The following IGF2BP2 variants were observed in gnomAD, a reference collection of about 807,000 sequenced individuals.
IGF2BP2 encodes the protein insulin like growth factor 2 mRNA binding protein 2.
IGF2BP2 carries 17 observed loss-of-function variants against 75.8 expected under a neutral mutation model. The ratio of observed to expected loss-of-function variants is 0.22; its 90% confidence interval spans 0.15 to 0.34. IGF2BP2 has a LOEUF of 0.34. IGF2BP2 is among the 10% of genes least tolerant of loss of function. IGF2BP2 has a pLI of 1.00. For synonymous variants in IGF2BP2, 288 were observed against 295.6 expected (o/e 0.97, Z 0.26); for missense variants, 516 against 772.4 (o/e 0.67, Z 3.93).
intron 11 of IGF2BP2, 85 bp downstream of exon 11, chr3:185,658,256 T>C: frequency 1.6e-6 from 2 of 1,258,504 alleles, no homozygotes; most frequent in South Asian, 2.4e-5. Flanking sequence ...AGATCTGCAT[T>C]GTGAACATTC....
intron 13 of IGF2BP2, among the ~76,000 whole-genome samples, chr3:185,649,964 T>C (rs1577799581): frequency 6.6e-6 from 1 of 152,172 alleles, no homozygotes; most frequent in African/African-American, 2.4e-5. Context: ...GAGGTGATGG[T>C]GGTGGTAATG....
intron 2 of IGF2BP2, among the ~76,000 whole-genome samples, chr3:185,760,632 C>G (rs1732237159): frequency 6.6e-6 from 1 of 152,190 alleles, no homozygotes; most frequent in African/African-American, 2.4e-5. Context: ...CATTCTTACT[C>G]CACTCTCACA....
intron 7 of IGF2BP2, among the ~76,000 whole-genome samples, chr3:185,677,068 T>TATAGAGAGAGAG: frequency 3.1e-4 from 11 of 35,860 alleles, no homozygotes; most frequent in African/African-American, 9.4e-4. Context: ...TATATATATA[T>TATAGAGAGAGAG]AGAGAGAGAG....
intron 13 of IGF2BP2, among the ~76,000 whole-genome samples, chr3:185,651,746 A>G (rs1714642119): frequency 6.6e-6 from 1 of 152,096 alleles, no homozygotes; most frequent in Non-Finnish European, 1.5e-5. Flanking sequence ...TTCCCCTTAC[A>G]CCTGTGTTAG....
At chr3:185,811,124 A>T (rs1739761443) in intron 2 of IGF2BP2, among the ~76,000 whole-genome samples, 1 of 152,174 alleles carries the variant, frequency 6.6e-6, no homozygotes, top group Non-Finnish European at 1.5e-5. Context: ...ACACAATAAG[A>T]TCATCACATA....
chr3:185,671,456 G>A (rs940852159), intron 10 of IGF2BP2, among the ~76,000 whole-genome samples: 11 of 147,750 alleles, frequency 7.4e-5, no homozygotes, highest in South Asian at 2.1e-4. Flanking sequence ...AGAATAGCTC[G>A]AACCCAGGAG....
intron 14 of IGF2BP2, among the ~76,000 whole-genome samples, chr3:185,648,223 G>A (rs537047542): frequency 3.3e-5 from 5 of 152,324 alleles, no homozygotes; most frequent in South Asian, 2.1e-4. Flanking sequence ...TTGGGAGGCC[G>A]AGGCGGGCGG....
At chr3:185,802,419 A>C (rs892407963) in intron 2 of IGF2BP2, among the ~76,000 whole-genome samples, 2 of 152,110 alleles carry the variant, frequency 1.3e-5, no homozygotes, top group Middle Eastern at 3.2e-3. Flanking sequence ...TTTGGAAATA[A>C]CAGAAGATTC....
chr3:185,701,382 AAG>A (rs1491022543), intron 2 of IGF2BP2, among the ~76,000 whole-genome samples: 11 of 149,388 alleles, frequency 7.4e-5, no homozygotes, highest in African/African-American at 1.5e-4. Flanking sequence ...AAAAAAAAAA[AAG>A]AAAGAAAGAA....
intron 7 of IGF2BP2, among the ~76,000 whole-genome samples, chr3:185,676,866 G>C (rs1481836127): frequency 7.7e-6 from 1 of 129,218 alleles, no homozygotes; most frequent in Non-Finnish European, 1.7e-5. Flanking sequence ...ATATTTACTG[G>C]ATATATATAT....
chr3:185,800,705 AC>A, intron 2 of IGF2BP2, among the ~76,000 whole-genome samples: 1 of 149,880 alleles, frequency 6.7e-6, no homozygotes, highest in African/African-American at 2.5e-5. Flanking sequence ...CCACTTGGTG[AC>A]TGAGCCAAAA....
chr3:185,780,815 T>G (rs1393680312), intron 2 of IGF2BP2, among the ~76,000 whole-genome samples: 7 of 152,226 alleles, frequency 4.6e-5, no homozygotes, highest in African/African-American at 1.4e-4. Context: ...CCCCATTTTA[T>G]AGCCGAAGAA....
intron 2 of IGF2BP2, among the ~76,000 whole-genome samples, chr3:185,749,396 A>AAAAT (rs1730671933): frequency 6.6e-6 from 1 of 152,206 alleles, no homozygotes; most frequent in Non-Finnish European, 1.5e-5. Flanking sequence ...ATTAAAATAC[A>AAAAT]CAATCAATTG....
At chr3:185,716,177 ACAC>A (rs1725579495) in intron 2 of IGF2BP2, among the ~76,000 whole-genome samples, 1 of 151,970 alleles carries the variant, frequency 6.6e-6, no homozygotes, top group African/African-American at 2.4e-5. Flanking sequence ...AAAAAAAAAA[ACAC>A]CAGAACTTTT....
chr3:185,701,888 C>A (rs1723358472), intron 2 of IGF2BP2, among the ~76,000 whole-genome samples: 1 of 152,118 alleles, frequency 6.6e-6, no homozygotes, highest in African/African-American at 2.4e-5. Flanking sequence ...ATTAGGATCT[C>A]TGAGATCTGC....
At chr3:185,767,250 T>G (rs943057791) in intron 2 of IGF2BP2, among the ~76,000 whole-genome samples, 3 of 152,206 alleles carry the variant, frequency 2.0e-5, no homozygotes, top group Admixed American at 6.5e-5. Context: ...TATACCTCAA[T>G]GCATTCTTTT....
intron 13 of IGF2BP2, among the ~76,000 whole-genome samples, chr3:185,651,495 A>C (rs1176180255): frequency 6.6e-6 from 1 of 152,176 alleles, no homozygotes; most frequent in Non-Finnish European, 1.5e-5. Context: ...GGAGCATACC[A>C]CCACCTGCTG....
chr3:185,810,956 G>A (rs1739734647), intron 2 of IGF2BP2, among the ~76,000 whole-genome samples: 1 of 152,028 alleles, frequency 6.6e-6, no homozygotes, highest in African/African-American at 2.4e-5. Context: ...GATTGATGTG[G>A]AAACCTGCTC....
intron 2 of IGF2BP2, among the ~76,000 whole-genome samples, chr3:185,752,907 C>CT (rs1427877243): frequency 1.3e-5 from 2 of 152,224 alleles, no homozygotes; most frequent in African/African-American, 4.8e-5. Context: ...CAATTTTAAA[C>CT]TTTTAAAAAA....
Sources: allele counts gnomAD v4.1 joint callset (sites outside exome capture counted in the v4.1 genomes callset), GRCh38; gene constraint gnomAD v4.1.1; transcripts MANE v1.5; gene names NCBI Gene and HGNC (gene_info 2026-07-23, HGNC 2026-07-21).